Variants in NTM observed in about 807,000 individuals in gnomAD.
The protein encoded by NTM is IgLON family member 2.
NTM carries 13 observed loss-of-function variants against 42.1 expected under a neutral mutation model. That is an observed-to-expected ratio of 0.31 (90% CI 0.20 to 0.49). The LOEUF is 0.49. Ranked by LOEUF, NTM falls within the 20% of genes least tolerant of loss-of-function variation. NTM has a pLI of 0.99. For synonymous variants in NTM, 187 were observed against 179.2 expected (o/e 1.04, Z -0.35); for missense variants, 373 against 452.8 (o/e 0.82, Z 1.60).
At chr11:131,389,024 A>AAAAAAGAAAAGCAAAG (rs774146196) in intron 1 of NTM, among the ~76,000 whole-genome samples, 2 of 89,906 alleles carry the variant, frequency 2.2e-5, no homozygotes, top group Non-Finnish European at 4.3e-5. Flanking sequence ...AAAAAAAAAA[A>AAAAAAGAAAAGCAAAG]AAAAGAAAAG....
chr11:131,633,766 C>CCTCTCTCTCTCTCTCT (rs1238243158), intron 1 of NTM, among the ~76,000 whole-genome samples: 3 of 40,040 alleles, frequency 7.5e-5, no homozygotes, highest in African/African-American at 2.1e-4. Flanking sequence ...CCTCTCTCTC[C>CCTCTCTCTCTCTCTCT]CTCTCTCTCT....
intron 1 of NTM, among the ~76,000 whole-genome samples, chr11:131,666,259 C>T (rs2069027951): frequency 6.6e-6 from 1 of 152,214 alleles, no homozygotes; most frequent in African/African-American, 2.4e-5. Flanking sequence ...GTGGGAGAAG[C>T]AGTGCCATAG....
intron 7 of NTM, among the ~76,000 whole-genome samples, chr11:132,326,457 GTTACT>G (rs1200876448): frequency 2.0e-5 from 3 of 152,138 alleles, no homozygotes; most frequent in Non-Finnish European, 4.4e-5. Flanking sequence ...AAGCAAACAG[GTTACT>G]TTACCTGGTC....
At chr11:131,947,205 A>G (rs1452669434) in intron 2 of NTM, among the ~76,000 whole-genome samples, 1 of 152,168 alleles carries the variant, frequency 6.6e-6, no homozygotes, top group Non-Finnish European at 1.5e-5. Context: ...TGGCCAGAAA[A>G]AGGCCCCCTT....
At chr11:131,498,883 G>A (rs904699921) in intron 1 of NTM, among the ~76,000 whole-genome samples, 9 of 152,186 alleles carry the variant, frequency 5.9e-5, no homozygotes, top group Admixed American at 5.9e-4. Context: ...ATGCCACGGG[G>A]ACTTCTGCCT....
chr11:132,100,402 C>T (rs2061489993), intron 2 of NTM, among the ~76,000 whole-genome samples: 1 of 152,190 alleles, frequency 6.6e-6, no homozygotes, highest in African/African-American at 2.4e-5. Context: ...GATCATCACA[C>T]TGGGGGGACA....
intron 1 of NTM, among the ~76,000 whole-genome samples, chr11:131,563,518 C>A (rs192902530): frequency 4.1e-5 from 6 of 145,842 alleles, no homozygotes; most frequent in East Asian, 4.4e-4. Context: ...TTAGCCTGGG[C>A]GGGCCAGGGC....
At chr11:131,762,026 A>G (rs1214814517) in intron 1 of NTM, among the ~76,000 whole-genome samples, 2 of 152,122 alleles carry the variant, frequency 1.3e-5, no homozygotes, top group Non-Finnish European at 2.9e-5. Flanking sequence ...TTGGACTTCC[A>G]GCCTTCAGAA....
intron 1 of NTM, among the ~76,000 whole-genome samples, chr11:131,373,927 G>A (rs1941578459): frequency 6.6e-6 from 1 of 152,192 alleles, no homozygotes; most frequent in South Asian, 2.1e-4. Flanking sequence ...CGCAGCACCC[G>A]GGAGGTGGGC....
chr11:131,428,628 A>T (rs1036842270), intron 1 of NTM, among the ~76,000 whole-genome samples: 2 of 152,170 alleles, frequency 1.3e-5, no homozygotes, highest in African/African-American at 4.8e-5. Context: ...TTGAGGAAAG[A>T]ACAGGAAGAA....
At chr11:132,243,077 T>C (rs1431759633) in intron 4 of NTM, among the ~76,000 whole-genome samples, 1 of 152,142 alleles carries the variant, frequency 6.6e-6, no homozygotes, top group East Asian at 1.9e-4. Flanking sequence ...TAAAGGTGAG[T>C]ACTCAACATC....
chr11:131,592,525 A>C (rs1290874729), intron 1 of NTM, among the ~76,000 whole-genome samples: 4 of 7,032 alleles, frequency 5.7e-4, no homozygotes, highest in Admixed American at 6.0e-3. Flanking sequence ...TAGGTCTTTC[A>C]AAAAAAAAAA....
intron 4 of NTM, among the ~76,000 whole-genome samples, chr11:132,302,871 G>A (rs1440306985): frequency 4.6e-5 from 7 of 152,180 alleles, no homozygotes; most frequent in East Asian, 1.9e-4. Flanking sequence ...AGGCTTGAGC[G>A]AAATCACTAG....
intron 1 of NTM, among the ~76,000 whole-genome samples, chr11:131,704,167 G>T (rs2076349692): frequency 6.6e-6 from 1 of 152,174 alleles, no homozygotes; most frequent in South Asian, 2.1e-4. Flanking sequence ...CACAGAACCT[G>T]GCTCTAGGTT....
At chr11:131,852,391 A>G (rs1404590753) in intron 1 of NTM, among the ~76,000 whole-genome samples, 1 of 152,258 alleles carries the variant, frequency 6.6e-6, no homozygotes, top group Admixed American at 6.5e-5. Context: ...TTTCTAAAAC[A>G]GAAAATCTTA....
chr11:131,584,989 C>A (rs1376418701), intron 1 of NTM, among the ~76,000 whole-genome samples: 1 of 150,438 alleles, frequency 6.6e-6, no homozygotes, highest in African/African-American at 2.5e-5. Flanking sequence ...GCTGAGAGGC[C>A]AAGGGGGGTG....
chr11:131,522,927 A>G (rs2049948742), intron 1 of NTM, among the ~76,000 whole-genome samples: 2 of 152,208 alleles, frequency 1.3e-5, no homozygotes, highest in African/African-American at 4.8e-5. Flanking sequence ...AAGCATTAGT[A>G]TTTCTTAAAA....
intron 1 of NTM, among the ~76,000 whole-genome samples, chr11:131,622,951 C>A (rs7117212): frequency 0.032 from 4,938 of 152,196 alleles, 254 homozygotes; most frequent in African/African-American, 0.11. Flanking sequence ...TTCAAATTGG[C>A]GTTCTCCTGA....
At chr11:131,622,335 A>G (rs766822574) in intron 1 of NTM, among the ~76,000 whole-genome samples, 36 of 152,240 alleles carry the variant, frequency 2.4e-4, no homozygotes, top group Non-Finnish European at 4.6e-4. Flanking sequence ...TTGCATAATC[A>G]TAAGTAAACA....
Sources: gnomAD v4.1 joint callset for allele counts (sites outside exome capture counted in the v4.1 genomes callset) on GRCh38, gnomAD v4.1.1 for gene constraint, MANE v1.5 for transcripts, NCBI Gene and HGNC (gene_info 2026-07-23, HGNC 2026-07-21) for gene names.